ANKEF1: variants seen among roughly 807,000 people sequenced by gnomAD.
The protein encoded by ANKEF1 is ankyrin repeat and EF-hand domain-containing protein 1.
In ANKEF1, 43 loss-of-function variants were observed where a neutral mutation model predicts 65.1. The observed-to-expected ratio is 0.66, with a 90% CI of 0.52 to 0.85. The LOEUF is 0.85. Ranked by LOEUF, ANKEF1 falls within the 40% of genes least tolerant of loss-of-function variation. The probability of loss-of-function intolerance (pLI) is 0.00; values close to 1 mark genes in which losing one functional copy is unlikely to be tolerated. For synonymous variants in ANKEF1, 316 were observed against 341.5 expected, an observed-to-expected ratio of 0.93 and a Z score of 0.82; for missense variants, 934 against 952.9, an observed-to-expected ratio of 0.98 and a Z score of 0.26.
intron 4 of ANKEF1, among the ~76,000 whole-genome samples, chr20:10,043,820 C>T (rs772494827): frequency 2.0e-5 from 3 of 151,302 alleles, no homozygotes; most frequent in Non-Finnish European, 2.9e-5. Flanking sequence ...CACCATGCCC[C>T]GCTAATTATT....
intron 6 of ANKEF1, among the ~76,000 whole-genome samples, chr20:10,045,984 T>G (rs1984502141): frequency 6.6e-6 from 1 of 152,140 alleles, no homozygotes; most frequent in African/African-American, 2.4e-5. Context: ...ATACTTATGG[T>G]TGAGGGCGGG....
chr20:10,040,526 A>C (rs549677481), intron 3 of ANKEF1: 1 of 152,298 alleles, frequency 6.6e-6, no homozygotes, highest in Admixed American at 6.5e-5. Flanking sequence ...ATGTTGTCCT[A>C]GGGAATTAAT....
chr20:10,053,095 T>C lies in ANKEF1; in HGVS notation c.1871-17T>C, dbSNP rs868271252. On this transcript the variant is annotated splice_polypyrimidine_tract_variant and intron_variant, in intron 8 of 10. Transcript: ENST00000378392. ...TATGTTTATAGTCACTCTGAATTTA[T>C]GTTTATGTTTCAACAGGGCATAGTG... 15 of 1,567,604 alleles carry C rather than the reference T, an allele frequency of 9.6e-6. No individual in the cohort carries two copies. In the Middle Eastern group the frequency reaches 1.1e-3, roughly 117 times the overall value.
Position 10,051,646 on chromosome 20 carries a change from T to A in ANKEF1, c.1644-17T>A. 6.3e-7 allele frequency: 1 copy of A among 1,584,600 alleles called. No individual in the cohort carries two copies. Among genetic ancestry groups the A allele is most frequent in the Non-Finnish European group, 8.6e-7 (1 of 1,156,664 alleles). ...GAAAACCGTATTTTTAGTTTGTTCA[T>A]CTATCTTATTTTACAGAGCTAACGT... On this transcript the variant is annotated splice_polypyrimidine_tract_variant and intron_variant, in intron 7 of 10. Transcript: ENST00000378392.
intron 3 of ANKEF1, among the ~76,000 whole-genome samples, chr20:10,040,007 T>G (rs1386509675): frequency 6.6e-6 from 1 of 152,168 alleles, no homozygotes; most frequent in Non-Finnish European, 1.5e-5. Context: ...TAAATTTTTT[T>G]TAAAAAATCA....
intron 6 of ANKEF1, among the ~76,000 whole-genome samples, chr20:10,046,514 T>G (rs1984532848): frequency 6.6e-6 from 1 of 152,198 alleles, no homozygotes; most frequent in African/African-American, 2.4e-5. Context: ...GATTTTCCTG[T>G]AGCTTTTAAG....
intron 6 of ANKEF1, among the ~76,000 whole-genome samples, chr20:10,046,112 A>G (rs997931688): frequency 2.0e-5 from 3 of 152,108 alleles, no homozygotes; most frequent in African/African-American, 7.2e-5. Context: ...CTCTACTAAC[A>G]ATGCAAAAAA....
rs1374228898 is a variant in ANKEF1 at position 10,054,591 on chromosome 20, C to A, written c.2164C>A (p.Pro722Thr). 8 of 1,606,016 alleles carry A rather than the reference C, an allele frequency of 5.0e-6. No individual in the cohort carries two copies. The Admixed American group carries it at 8.6e-5, about 17-fold the overall frequency. ...TAAGAAAGTGGATATCACATTTATTCCACGGAGGGTAAGTGCTTCGAAAAG... is the reference window on the plus strand; with the variant it reads ...TAAGAAAGTGGATATCACATTTATTACACGGAGGGTAAGTGCTTCGAAAAG... The part of the protein sequence containing the change: ...YTKKVDITFI[P>T]RRIWSPEATT... Residue 722 changes from proline (P) to threonine (T), a missense_variant, in exon 10 of 11, where the codon CCA (proline) becomes ACA (threonine). Physicochemically the swap from Pro to Thr is conservative, Grantham distance 38. Transcript: ENST00000378392.
chr20:10,037,385 T>C (rs1983922882), intron 2 of ANKEF1, among the ~76,000 whole-genome samples: 1 of 152,148 alleles, frequency 6.6e-6, no homozygotes, highest in Non-Finnish European at 1.5e-5. Context: ...AGCAGAATAG[T>C]CTTCCCTCAT....
chr20:10,055,634 G>T lies in ANKEF1; in HGVS notation c.2305G>T (p.Ala769Ser). ...FQKNITEKAR[A>S]LEAALKT ...GAAGAACATCACAGAGAAAGCTCGA[G>T]CACTGGAAGCTGCCTTGAAGACCTA... Residue 769 changes from alanine to serine, a missense_variant, in exon 11 of 11, where the codon GCA becomes TCA. Physicochemically the swap from Ala to Ser is moderately conservative, Grantham distance 99 (BLOSUM62 1). Coordinates refer to ENST00000378392, the MANE Select transcript of ANKEF1 (RefSeq NM_022096.6). The T allele has an allele frequency of 1.9e-6, 3 of 1,613,796 alleles. No homozygotes were observed. In the South Asian group the frequency reaches 3.3e-5, roughly 18 times the overall value.
chr20:10,051,476 T>C (rs915015911), intron 7 of ANKEF1, among the ~76,000 whole-genome samples, 187 bp from the exon 8 acceptor site: 81 of 152,320 alleles, frequency 5.3e-4, no homozygotes, highest in South Asian at 6.2e-4. Flanking sequence ...TGCCTTTTAA[T>C]GTAGATATAC....
chr20:10,054,338 A>G (rs1985026318), intron 9 of ANKEF1, 124 bp from the exon 10 acceptor site: 8 of 710,322 alleles, frequency 1.1e-5, no homozygotes, highest in East Asian at 3.3e-5. Context: ...ATCTCAAATT[A>G]TAACTTGTAC....
At chr20:10,053,347 A>T (rs1264322336) in intron 9 of ANKEF1, 72 bp downstream of exon 9, 2 of 1,374,886 alleles carry the variant, frequency 1.5e-6, no homozygotes, top group African/African-American at 1.5e-5. Context: ...AGGCAGAAGC[A>T]CTATTTACAT....
Position 10,043,299 on chromosome 20 carries a change from C to T in ANKEF1, c.524C>T (p.Ala175Val). The change falls in exon 4 of 11, where the codon GCC becomes GTC. Residue 175 changes from alanine (A) to valine (V), a missense_variant. Transcript: ENST00000378392. ...DVCLTFLEKGANPNAINSSTG... is the reference protein window; with the variant it reads ...DVCLTFLEKGVNPNAINSSTG... The stretch of plus-strand genomic sequence containing the variant: ...TGCCTGACATTTTTGGAAAAAGGAG[C>T]CAATCCTAATGCAATCAACTCAGTA... 2 of 1,613,948 alleles carry T rather than the reference C, an allele frequency of 1.2e-6. No individual in the cohort carries two copies. The highest frequency in any genetic ancestry group is 1.7e-6 in the Non-Finnish European group (2 of 1,179,978).
chr20:10,049,575 C>G lies in ANKEF1; in HGVS notation c.1006C>G (p.Arg336Gly). 2 of 1,614,058 alleles carry G rather than the reference C, an allele frequency of 1.2e-6. No individual in the cohort carries two copies. Among genetic ancestry groups the G allele is most frequent in the Non-Finnish European group, 1.7e-6 (2 of 1,180,020 alleles). Residue 336 changes from arginine (R) to glycine (G), a missense_variant, in exon 7 of 11, where the codon CGT (arginine) becomes GGT (glycine). Physicochemically the swap from Arg to Gly is moderately radical, Grantham distance 125. Coordinates refer to ENST00000378392, the MANE Select transcript of ANKEF1 (RefSeq NM_022096.6). Reference sequence around the variant, plus strand: ...TAGACTGCACGATTGGTCCGTAGAACGTGAGGCTTTCCTCCGGGAAGCCTT... The same window carrying G: ...TAGACTGCACGATTGGTCCGTAGAAGGTGAGGCTTTCCTCCGGGAAGCCTT... The part of the protein sequence containing the change: ...ALRLHDWSVE[R>G]EAFLREAFAV...
rs754220456 is a variant in ANKEF1 at position 10,038,321 on chromosome 20, G to T, written c.20G>T (p.Arg7Ile). The T allele has an allele frequency of 1.3e-6, 2 of 1,566,654 alleles. No individual in the cohort carries two copies. The highest frequency in any genetic ancestry group is 2.7e-5 in the African/African-American group (2 of 73,748). ...TCAAGCATGGCTTTAGCAGATAAGA[G>T]ACTTGAGAACTTACAGATCTACAAA... Reference protein sequence around the residue: MALADKRLENLQIYKVL... With the variant: MALADKILENLQIYKVL... The change falls in exon 3 of 11, where the codon AGA (arginine) becomes ATA (isoleucine). Residue 7 changes from arginine to isoleucine, a missense_variant. Arg to Ile is a moderately conservative substitution (Grantham distance 97, BLOSUM62 -3). Coordinates refer to ENST00000378392, the MANE Select transcript of ANKEF1 (RefSeq NM_022096.6).
At chr20:10,053,914 A>C in intron 9 of ANKEF1, among the ~76,000 whole-genome samples, 1 of 152,194 alleles carries the variant, frequency 6.6e-6, no homozygotes, top group East Asian at 1.9e-4. Flanking sequence ...AGACATCAAG[A>C]CTTTATCATT....
At position 10,056,819 on chromosome 20, in the gene ANKEF1, C is replaced by T. The variant is rs1253434561; in HGVS notation, c.*1159C>T. Reference sequence around the variant, plus strand: ...AAAGCGACTGATGGGATCAGTTTCACCTAGATTATCTAAAGCAGTCTCCTT... The same window carrying T: ...AAAGCGACTGATGGGATCAGTTTCATCTAGATTATCTAAAGCAGTCTCCTT... On this transcript the variant is annotated 3_prime_UTR_variant, in exon 11 of 11. Coordinates refer to ENST00000378392, the MANE Select transcript of ANKEF1 (RefSeq NM_022096.6). 6.6e-6 allele frequency: 1 copy of T among 152,102 alleles called. No individual in the cohort carries two copies. The highest frequency in any genetic ancestry group is 1.5e-5 in the Non-Finnish European group (1 of 68,030). 9.4% of individuals were successfully genotyped at this position (152,102 alleles called of 1,614,324 possible).
In ANKEF1 at chr20:10,056,214, C is replaced by A. The variant is rs1376372764; in HGVS notation, c.*554C>A. 1 of 154,162 alleles carries A rather than the reference C, an allele frequency of 6.5e-6. No homozygotes were observed. The highest frequency in any genetic ancestry group is 2.4e-5 in the African/African-American group (1 of 41,394). 9.5% of individuals were successfully genotyped at this position (154,162 alleles called of 1,614,324 possible). A position where few individuals can be genotyped will look rare whatever the true frequency, so the allele number is the denominator to read the frequency against. ...AATCTTTTAAGGAAGGAGTTTATTT[C>A]TCACATGCCATTATAAACTATGTGT... On this transcript the variant is annotated 3_prime_UTR_variant, in exon 11 of 11. Transcript: ENST00000378392.
Sources: gnomAD v4.1 joint callset for allele counts (sites outside exome capture counted in the v4.1 genomes callset) on GRCh38, gnomAD v4.1.1 for gene constraint, MANE v1.5 for transcripts, NCBI Gene and HGNC (gene_info 2026-07-23, HGNC 2026-07-21) for gene names.